CAPN15: variants seen among roughly 807,000 people sequenced by gnomAD.
CAPN15 encodes the protein calpain-15.
CAPN15 carries 53 observed loss-of-function variants against 97.9 expected under a neutral mutation model. The ratio of observed to expected loss-of-function variants is 0.54; its 90% CI spans 0.43 to 0.68. CAPN15 has a LOEUF of 0.68. Among genes scored for constraint, CAPN15 ranks in the 30% least tolerant of loss-of-function variants. CAPN15 has a pLI of 0.00. For synonymous variants in CAPN15, 922 were observed against 722.5 expected (o/e 1.28, Z -4.43); for missense variants, 1,592 against 1,589.8 (o/e 1.00, Z -0.02).
intron 3 of CAPN15, chr16:540,394 C>T (rs1222863222): frequency 5.1e-6 from 5 of 979,448 alleles, no homozygotes; most frequent in Non-Finnish European, 6.1e-6. Flanking sequence ...GAGGGGTGGC[C>T]CCGGAGGGCT....
chr16:542,651 G>C (rs989564719), intron 3 of CAPN15, among the ~76,000 whole-genome samples: 2 of 152,094 alleles, frequency 1.3e-5, no homozygotes, highest in Non-Finnish European at 2.9e-5. Flanking sequence ...ACAGTGGTGT[G>C]ATCACAGCTC....
At chr16:544,050 C>G (rs531656868) in intron 3 of CAPN15, among the ~76,000 whole-genome samples, 1 of 152,312 alleles carries the variant, frequency 6.6e-6, no homozygotes, top group South Asian at 2.1e-4. Context: ...CGCCCTCAAT[C>G]AGTAAGTCAT....
rs1200910874 is a variant in CAPN15, at chr16:552,029, C to A, written c.2346-22C>A. 1.3e-6 allele frequency: 2 copies of A among 1,546,336 alleles called. No individual in the cohort carries two copies. Among genetic ancestry groups the A allele is most frequent in the Admixed American group, 3.9e-5 (2 of 50,780 alleles). On this transcript the variant is annotated intron_variant, in intron 9 of 13. Coordinates refer to ENST00000219611, the MANE Select transcript of CAPN15 (RefSeq NM_005632.3). The surrounding 1 kb of genome is among the most constrained non-coding windows in gnomAD (Gnocchi z 6.4). ...GTGTGGGCCGTGGTAGGCTCAGGGC[C>A]CCGTCCTCCCGCCACCTGCAGGTAC...
intron 9 of CAPN15, 53 bp from the exon 10 acceptor site, chr16:551,998 A>G (rs1445683318): frequency 6.6e-7 from 1 of 1,524,174 alleles, no homozygotes; most frequent in African/African-American, 1.4e-5. Context: ...GCGCTGAGCC[A>G]CGGAGGTGTG....
intron 7 of CAPN15, 47 bp downstream of exon 7, chr16:549,885 G>A (rs1203185606): frequency 5.6e-6 from 8 of 1,432,956 alleles, no homozygotes; most frequent in African/African-American, 2.8e-5. Flanking sequence ...GAGGAGAGGC[G>A]AGGCGGAGCG....
Position 543,724 on chromosome 16 carries a change from G to A in CAPN15, c.-22-3093G>A, listed in dbSNP as rs527868997. ...GGAAGGCAGCTGGGCCTCCACACGCGGAGCCCTCCCCACCACGTGCATGCA... is the reference window on the plus strand; with the variant it reads ...GGAAGGCAGCTGGGCCTCCACACGCAGAGCCCTCCCCACCACGTGCATGCA... On this transcript the variant is annotated intron_variant, in intron 3 of 13. Coordinates refer to ENST00000219611, the MANE Select transcript of CAPN15 (RefSeq NM_005632.3). Among the ~76,000 whole-genome samples the A allele has an allele frequency of 1.1e-4, 16 of 152,298 alleles. No homozygotes were observed. In the East Asian group the frequency reaches 1.5e-3, roughly 15 times the overall value.
intron 9 of CAPN15, 138 bp from the exon 10 acceptor site, chr16:551,913 C>CA (rs1400273431): frequency 7.4e-6 from 8 of 1,079,424 alleles, no homozygotes; most frequent in Non-Finnish European, 1.1e-5. Context: ...GATGGGCCCC[C>CA]GGGGGCCGGG....
At chr16:532,380 C>A (rs536259212) in intron 1 of CAPN15, among the ~76,000 whole-genome samples, 4 of 149,004 alleles carry the variant, frequency 2.7e-5, no homozygotes, top group African/African-American at 9.9e-5. Flanking sequence ...GTGACGAAAC[C>A]CCCATCTCTA....
chr16:551,770 T>C (rs565993956), intron 9 of CAPN15, 106 bp downstream of exon 9: 2 of 1,442,664 alleles, frequency 1.4e-6, no homozygotes, highest in Admixed American at 1.9e-5. Context: ...GTGGGGCGGC[T>C]TGTTCGTGGC....
At chr16:544,266 T>A (rs1000716248) in intron 3 of CAPN15, among the ~76,000 whole-genome samples, 1 of 151,800 alleles carries the variant, frequency 6.6e-6, no homozygotes, top group Non-Finnish European at 1.5e-5. Flanking sequence ...GCCGACCAAG[T>A]CTGGCACCCC....
At chr16:550,961 CG>C (rs2034997964) in intron 7 of CAPN15, among the ~76,000 whole-genome samples, 1 of 128,574 alleles carries the variant, frequency 7.8e-6, no homozygotes, top group Non-Finnish European at 1.6e-5. Context: ...GTGAGGGCCC[CG>C]GTCGGTGAGG....
intron 1 of CAPN15, among the ~76,000 whole-genome samples, chr16:532,011 A>T (rs1320386474): frequency 2.0e-5 from 3 of 152,138 alleles, no homozygotes; most frequent in Non-Finnish European, 1.5e-5. Context: ...AGGCCGAGGC[A>T]GGTGGGTTGC....
At position 535,643 on chromosome 16, in the gene CAPN15, G is replaced by T. The variant is rs1041648890; in HGVS notation, c.-136-386G>T. On this transcript the variant is annotated intron_variant, in intron 2 of 13. Coordinates refer to ENST00000219611, the MANE Select transcript of CAPN15 (RefSeq NM_005632.3). This position sits in a 1 kb window ranked among gnomAD's most constrained non-coding sequence, Gnocchi z 6.2. Reference sequence around the variant, plus strand: ...GGATCCACACAGCCCGGGGCCCTCCGCACCCTGCCCCTCCAGGGAGCCCAG... The same window carrying T: ...GGATCCACACAGCCCGGGGCCCTCCTCACCCTGCCCCTCCAGGGAGCCCAG... Among the ~76,000 whole-genome samples, 2 of 152,096 alleles carry T rather than the reference G, an allele frequency of 1.3e-5. No individual in the cohort carries two copies. The highest frequency in any genetic ancestry group is 4.8e-5 in the African/African-American group (2 of 41,410).
In CAPN15 at chr16:552,801, T is replaced by TGGGGGGG; in HGVS notation, c.2904+34_2904+35insGGGGGGG. ...GTGGGGGTCCCGGGGGAGGGTGGCG[T>TGGGGGGG]GGGGCAGGGGGAGTATGCCCCAGCA... On this transcript the variant is annotated intron_variant, in intron 12 of 13. Transcript: ENST00000219611. The surrounding 1 kb of genome is among the most constrained non-coding windows in gnomAD (Gnocchi z 6.4). The TGGGGGGG allele has an allele frequency of 6.6e-7, 1 of 1,504,544 alleles. No individual in the cohort carries two copies. Among genetic ancestry groups the TGGGGGGG allele is most frequent in the Non-Finnish European group, 8.9e-7 (1 of 1,119,166 alleles). 93.2% of individuals were successfully genotyped at this position (1,504,544 alleles called of 1,614,324 possible).
chr16:549,524 G>C, intron 6 of CAPN15, 53 bp downstream of exon 6: 4 of 1,262,236 alleles, frequency 3.2e-6, no homozygotes, highest in Non-Finnish European at 4.1e-6. Flanking sequence ...TCTGACCCCA[G>C]CCCCGAAAAC....
At chr16:534,226 C>G (rs1303932244) in intron 2 of CAPN15, among the ~76,000 whole-genome samples, 1 of 152,238 alleles carries the variant, frequency 6.6e-6, no homozygotes, top group African/African-American at 2.4e-5. Flanking sequence ...GGCCCGGGGT[C>G]CCGACAGGGG....
intron 3 of CAPN15, among the ~76,000 whole-genome samples, chr16:546,497 C>T (rs921802164): frequency 2.0e-5 from 3 of 152,232 alleles, no homozygotes; most frequent in African/African-American, 7.2e-5. Flanking sequence ...CCCCTGCTAT[C>T]TGCCGTCCAC....
At position 547,744 on chromosome 16, in the gene CAPN15, C is replaced by A; in HGVS notation, c.906C>A (p.Ala302=). 1 of 1,606,674 alleles carries A rather than the reference C, an allele frequency of 6.2e-7. No individual in the cohort carries two copies. The change falls in exon 4 of 14, where the codon GCC becomes GCA. Residue 302 remains alanine (A), a synonymous_variant. Coordinates refer to ENST00000219611, the MANE Select transcript of CAPN15 (RefSeq NM_005632.3). ...GKRLSVLEEE[A]TEGGTSRVEA... Reference sequence around the variant, plus strand: ...GGCTGAGTGTGCTGGAGGAAGAGGCCACGGAGGGTGGCACCAGCCGCGTAG... The same window carrying A: ...GGCTGAGTGTGCTGGAGGAAGAGGCAACGGAGGGTGGCACCAGCCGCGTAG...
chr16:537,102 T>G (rs1196777512), intron 3 of CAPN15: 3 of 981,344 alleles, frequency 3.1e-6, no homozygotes, highest in Middle Eastern at 5.2e-4. Flanking sequence ...CTGTCCAGCC[T>G]CTGTGACAGG....
Sources: allele counts gnomAD v4.1 joint callset (sites outside exome capture counted in the v4.1 genomes callset), GRCh38; gene constraint gnomAD v4.1.1; non-coding constraint Gnocchi (gnomAD v3.1); transcripts MANE v1.5; gene names NCBI Gene and HGNC (gene_info 2026-07-23, HGNC 2026-07-21).